DDR2: variants seen among roughly 807,000 people sequenced by gnomAD.
The protein encoded by DDR2 is discoidin domain-containing receptor 2.
DDR2 carries 27 observed loss-of-function variants against 94.9 expected under a neutral mutation model. The ratio of observed to expected loss-of-function variants is 0.28; its 90% CI spans 0.21 to 0.39. DDR2 has a LOEUF of 0.39. Among genes scored for constraint, DDR2 ranks in the 10% least tolerant of loss-of-function variants. The pLI, the probability that DDR2 is intolerant of heterozygous loss-of-function variation, is 1.00. For synonymous variants in DDR2, 382 were observed against 377.2 expected, an observed-to-expected ratio of 1.01 and a Z score of -0.15; for missense variants, 783 against 1,076.0, an observed-to-expected ratio of 0.73 and a Z score of 3.81.
At chr1:162,664,149 A>G (rs1277647358) in intron 2 of DDR2, among the ~76,000 whole-genome samples, 1 of 152,188 alleles carries the variant, frequency 6.6e-6, no homozygotes, top group Non-Finnish European at 1.5e-5. Flanking sequence ...TTATTTTGCT[A>G]CAAACTAATT....
At chr1:162,727,565 T>C (rs1442206207) in intron 3 of DDR2, among the ~76,000 whole-genome samples, 1 of 148,714 alleles carries the variant, frequency 6.7e-6, no homozygotes, top group Non-Finnish European at 1.5e-5. Flanking sequence ...AATAAATAAA[T>C]ACAGAGAAGC....
chr1:162,775,530 G>A, intron 14 of DDR2, 122 bp from the exon 15 acceptor site: 3 of 1,076,992 alleles, frequency 2.8e-6, no homozygotes, highest in Non-Finnish European at 4.2e-6. Context: ...CCTCTCAAAA[G>A]TTATCCAAAG....
intron 1 of DDR2, among the ~76,000 whole-genome samples, chr1:162,642,970 G>A (rs1000066486): frequency 2.6e-5 from 4 of 152,182 alleles, no homozygotes; most frequent in African/African-American, 9.7e-5. Context: ...AAGCTTGGAT[G>A]TCAAGCTAGG....
chr1:162,731,358 G>T (rs1662038372), intron 3 of DDR2, among the ~76,000 whole-genome samples: 1 of 151,798 alleles, frequency 6.6e-6, no homozygotes, highest in South Asian at 2.1e-4. Context: ...TTATCTAATT[G>T]TTCCTATTTT....
chr1:162,650,358 G>T (rs1040719497), intron 1 of DDR2, among the ~76,000 whole-genome samples: 1 of 152,272 alleles, frequency 6.6e-6, no homozygotes, highest in African/African-American at 2.4e-5. Context: ...CATTTTGGGA[G>T]GCCAAGGAAG....
chr1:162,749,271 A>G (rs1049713421), intron 3 of DDR2, among the ~76,000 whole-genome samples: 21 of 152,234 alleles, frequency 1.4e-4, no homozygotes, highest in African/African-American at 5.1e-4. Context: ...AGACTAACAA[A>G]GAAGAAAGGA....
chr1:162,779,415 C>A (rs1647775130), intron 17 of DDR2, among the ~76,000 whole-genome samples: 1 of 152,164 alleles, frequency 6.6e-6, no homozygotes. Context: ...CAACAGCATA[C>A]CCTTGGATTA....
chr1:162,730,178 G>A (rs905426729), intron 3 of DDR2, among the ~76,000 whole-genome samples: 6 of 151,952 alleles, frequency 3.9e-5, no homozygotes, highest in African/African-American at 1.5e-4. Flanking sequence ...GCTGAGTATG[G>A]TGTGAGTAAA....
intron 1 of DDR2, among the ~76,000 whole-genome samples, chr1:162,633,728 G>A (rs1017033845): frequency 6.6e-6 from 1 of 152,198 alleles, no homozygotes; most frequent in African/African-American, 2.4e-5. Flanking sequence ...ATCAGTAATA[G>A]AGAGGACGCC....
intron 13 of DDR2, 123 bp downstream of exon 13, chr1:162,772,370 C>A: frequency 9.7e-7 from 1 of 1,032,530 alleles, no homozygotes; most frequent in Non-Finnish European, 1.5e-6. Context: ...TTTGTCTCTC[C>A]TTGCATTGTC....
chr1:162,729,752 A>C (rs944034773), intron 3 of DDR2, among the ~76,000 whole-genome samples: 1 of 150,932 alleles, frequency 6.6e-6, no homozygotes, highest in Non-Finnish European at 1.5e-5. Context: ...ATATTTATTT[A>C]TTTATTTTTA....
intron 2 of DDR2, among the ~76,000 whole-genome samples, chr1:162,674,679 C>T (rs1330127079): frequency 6.6e-6 from 1 of 152,144 alleles, no homozygotes; most frequent in African/African-American, 2.4e-5. Flanking sequence ...ACAATTTAGT[C>T]AGAAATTTGC....
intron 2 of DDR2, among the ~76,000 whole-genome samples, chr1:162,663,653 CT>C: frequency 6.6e-6 from 1 of 152,168 alleles, no homozygotes; most frequent in South Asian, 2.1e-4. Context: ...GTGAAGGAGG[CT>C]GCGGCAGAAC....
chr1:162,750,781 C>A (rs919904110), intron 3 of DDR2, among the ~76,000 whole-genome samples: 10 of 152,174 alleles, frequency 6.6e-5, no homozygotes, highest in African/African-American at 1.9e-4. Context: ...CAGCATGGTA[C>A]TGGTACCAAA....
At chr1:162,646,561 C>A (rs1296812694) in intron 1 of DDR2, among the ~76,000 whole-genome samples, 2 of 152,092 alleles carry the variant, frequency 1.3e-5, no homozygotes, top group Admixed American at 6.6e-5. Flanking sequence ...GGAATTTGAA[C>A]CTATATCTTT....
chr1:162,676,807 G>A (rs1659150259), intron 2 of DDR2, among the ~76,000 whole-genome samples: 1 of 152,180 alleles, frequency 6.6e-6, no homozygotes, highest in African/African-American at 2.4e-5. Context: ...CTAAGGATAA[G>A]TAACCTGCCA....
At chr1:162,719,205 A>G (rs1170344129) in intron 3 of DDR2, 60 bp downstream of exon 3, 35 of 1,611,882 alleles carry the variant, frequency 2.2e-5, no homozygotes, top group African/African-American at 9.3e-5. Context: ...AAACCCATCA[A>G]TGTTCAATGG....
intron 2 of DDR2, among the ~76,000 whole-genome samples, chr1:162,701,234 A>T (rs1038528674): frequency 6.6e-6 from 1 of 152,230 alleles, no homozygotes; most frequent in African/African-American, 2.4e-5. Context: ...TGTCTTCCAG[A>T]CCTGACTTCT....
chr1:162,718,340 C>A (rs1267161475), intron 2 of DDR2, among the ~76,000 whole-genome samples: 1 of 152,148 alleles, frequency 6.6e-6, no homozygotes, highest in African/African-American at 2.4e-5. Context: ...AAGATCTGAG[C>A]ACTAGGTTTG....
Sources: allele counts gnomAD v4.1 joint callset (sites outside exome capture counted in the v4.1 genomes callset), GRCh38; gene constraint gnomAD v4.1.1; transcripts MANE v1.5; gene names NCBI Gene and HGNC (gene_info 2026-07-23, HGNC 2026-07-21).